The following SLC35F4 variants were observed in gnomAD, a reference collection of about 807,000 sequenced individuals.
SLC35F4 encodes the protein chromosome 14 open reading frame 36.
Under a neutral mutation model 44.2 loss-of-function variants are expected in SLC35F4, and 24 were observed. That is an observed-to-expected ratio of 0.54 (90% CI 0.39 to 0.76). The LOEUF is 0.76. SLC35F4 is among the 30% of genes least tolerant of loss of function. SLC35F4 has a pLI of 0.00. For missense variants in SLC35F4, 562 were observed against 586.1 expected (o/e 0.96, Z 0.42); for synonymous variants, 238 against 223.6 (o/e 1.06, Z -0.57).
chr14:57,564,182 G>A lies in SLC35F4; in HGVS notation c.1411C>T (p.Arg471Trp), dbSNP rs202119323. The change falls in exon 8 of 8, where the codon CGG becomes TGG. Residue 471 changes from arginine to tryptophan, a missense_variant. Physicochemically the swap from Arg to Trp is moderately radical, Grantham distance 101 (BLOSUM62 -3). Transcript: ENST00000556826. ...GTCCCATTGGCTCTGCCTCTGCCCC[G>A]CAGGTGTATGCTGGGATCAGTCACA... Reference protein sequence around the residue: ...DDVTDPSIHLRGRGRANGTVS... With the variant: ...DDVTDPSIHLWGRGRANGTVS... The A allele has an allele frequency of 1.2e-5, 20 of 1,613,444 alleles. No individual in the cohort carries two copies. Among genetic ancestry groups the A allele is most frequent in the Middle Eastern group, 1.6e-4 (1 of 6,084 alleles).
intron 1 of SLC35F4, among the ~76,000 whole-genome samples, chr14:57,762,756 A>G (rs2077154080): frequency 1.3e-5 from 2 of 152,192 alleles, no homozygotes; most frequent in South Asian, 2.1e-4. Context: ...CTTCCTCACT[A>G]TATGATGCCT....
intron 1 of SLC35F4, among the ~76,000 whole-genome samples, chr14:57,737,302 C>T (rs2076491415): frequency 6.6e-6 from 1 of 152,132 alleles, no homozygotes; most frequent in Non-Finnish European, 1.5e-5. Flanking sequence ...ACATATCACC[C>T]CTATAGATCT....
At chr14:57,857,339 T>C (rs1451008700) in intron 1 of SLC35F4, among the ~76,000 whole-genome samples, 2 of 151,952 alleles carry the variant, frequency 1.3e-5, no homozygotes, top group Non-Finnish European at 2.9e-5. Flanking sequence ...GAAGTAAGGA[T>C]GCACAAATGC....
rs151081562 is a variant in SLC35F4 at position 57,823,432 on chromosome 14, G to A, written c.103+42291C>T. 1.3e-3 allele frequency among the ~76,000 whole-genome samples: 194 copies of A among 152,236 alleles called. 1 individual carries two copies. The highest frequency in any genetic ancestry group is 0.01 in the Middle Eastern group (3 of 294). On this transcript the variant is annotated intron_variant, in intron 1 of 7. Coordinates refer to ENST00000556826, the MANE Select transcript of SLC35F4 (RefSeq NM_001306087.2). The stretch of plus-strand genomic sequence containing the variant: ...TACTTCCTTCTAGAAAATCAAGTTC[G>A]TGAAATCAGGGTTAGTATTACAACA...
At chr14:57,637,670 C>A (rs1007860444) in intron 1 of SLC35F4, among the ~76,000 whole-genome samples, 1 of 152,054 alleles carries the variant, frequency 6.6e-6, no homozygotes, top group Non-Finnish European at 1.5e-5. Context: ...TGGACTGTAC[C>A]ATTTTACATA....
At chr14:57,641,729 T>A (rs562469220) in intron 1 of SLC35F4, among the ~76,000 whole-genome samples, 49 of 152,152 alleles carry the variant, frequency 3.2e-4, no homozygotes, top group African/African-American at 1.2e-3. Flanking sequence ...AGCTATTACA[T>A]AGAACAGCTA....
intron 1 of SLC35F4, among the ~76,000 whole-genome samples, chr14:57,960,681 T>C (rs191527075): frequency 7.3e-4 from 111 of 152,298 alleles, no homozygotes; most frequent in African/African-American, 2.5e-3. Context: ...TGTTGATCCC[T>C]AGAGGTAACT....
intron 4 of SLC35F4, 161 bp downstream of exon 4, chr14:57,581,053 A>G (rs927299881): frequency 3.4e-6 from 2 of 592,802 alleles, no homozygotes; most frequent in African/African-American, 1.9e-5. Context: ...TGATGTTGCA[A>G]CTGCCTGGGC....
chr14:57,843,976 T>C (rs1885748477), intron 1 of SLC35F4, among the ~76,000 whole-genome samples: 1 of 152,160 alleles, frequency 6.6e-6, no homozygotes, highest in African/African-American at 2.4e-5. Flanking sequence ...GAACATGTAC[T>C]CGTCACAGCA....
chr14:57,803,582 CTTTTTTTTTTTT>C (rs532690276), intron 1 of SLC35F4, among the ~76,000 whole-genome samples: 2,863 of 79,606 alleles, frequency 0.036, 95 homozygotes, highest in Admixed American at 0.045. Context: ...AAAGCTTCTT[CTTTTTTTTTTTT>C]TTTTTTTTTT....
At chr14:57,565,155 C>T (rs2068142200) in intron 7 of SLC35F4, among the ~76,000 whole-genome samples, 1 of 152,228 alleles carries the variant, frequency 6.6e-6, no homozygotes. Context: ...TTAGGCTTCT[C>T]TACCTTTTTG....
At chr14:57,649,797 C>A (rs1207365010) in intron 1 of SLC35F4, among the ~76,000 whole-genome samples, 1 of 28,112 alleles carries the variant, frequency 3.6e-5, no homozygotes, top group East Asian at 7.1e-4. Flanking sequence ...ATCACCAAAT[C>A]CCCCAAAATT....
At chr14:57,728,691 G>A (rs377595077) in intron 1 of SLC35F4, among the ~76,000 whole-genome samples, 41 of 152,048 alleles carry the variant, frequency 2.7e-4, no homozygotes, top group African/African-American at 9.9e-4. Flanking sequence ...TCAAATGCCT[G>A]ACCTCAAGTG....
chr14:57,644,684 T>C (rs1395579592), intron 1 of SLC35F4, among the ~76,000 whole-genome samples: 1 of 152,226 alleles, frequency 6.6e-6, no homozygotes, highest in Non-Finnish European at 1.5e-5. Context: ...CATGAAGTCC[T>C]TGCCCATGCC....
chr14:57,924,453 CT>C lies in SLC35F4; in HGVS notation n.282+57459del, dbSNP rs879756219. On this transcript the variant is annotated intron_variant and non_coding_transcript_variant, in intron 1 of 1. Transcript: ENST00000556568. ...ATTCTCTTTACTTTCCTCTTTCTTT[CT>C]TTTTTTTTTTTTAAGACGGAGACTC... Among the ~76,000 whole-genome samples the C allele has an allele frequency of 3.6e-3, 522 of 143,682 alleles. 4 individuals carry two copies. Among genetic ancestry groups the C allele is most frequent in the East Asian group, 0.035 (175 of 4,972 alleles). The allele number at this position is 143,682 out of a possible 152,430, so 94.3% of individuals were successfully genotyped here.
intron 2 of SLC35F4, among the ~76,000 whole-genome samples, chr14:57,589,931 T>C (rs1425548309): frequency 2.6e-5 from 4 of 152,178 alleles, no homozygotes; most frequent in African/African-American, 7.2e-5. Context: ...ACCAGCTCTC[T>C]TGCTCTTCCC....
At chr14:57,603,570 C>T (rs557734983) in intron 1 of SLC35F4, among the ~76,000 whole-genome samples, 1 of 152,184 alleles carries the variant, frequency 6.6e-6, no homozygotes, top group Non-Finnish European at 1.5e-5. Context: ...GACTTAGAAT[C>T]TCCTGGAAGC....
intron 1 of SLC35F4, among the ~76,000 whole-genome samples, chr14:57,655,725 C>A (rs149511024): frequency 1.3e-5 from 2 of 152,228 alleles, no homozygotes; most frequent in East Asian, 3.9e-4. Context: ...TTTCTTAGTT[C>A]TCATTGTCAT....
chr14:57,680,067 C>G (rs1423398677), intron 1 of SLC35F4, among the ~76,000 whole-genome samples: 1 of 151,812 alleles, frequency 6.6e-6, no homozygotes, highest in Admixed American at 6.6e-5. Flanking sequence ...AGAGACCCAA[C>G]AAAAAAAGGA....
Sources: allele counts gnomAD v4.1 joint callset (sites outside exome capture counted in the v4.1 genomes callset), GRCh38; gene constraint gnomAD v4.1.1; transcripts MANE v1.5; gene names NCBI Gene and HGNC (gene_info 2026-07-23, HGNC 2026-07-21).